The following VAV2 variants were observed in gnomAD, a reference collection of about 807,000 sequenced individuals.
The protein encoded by VAV2 is vav guanine nucleotide exchange factor 2.
Under a neutral mutation model 132.5 loss-of-function variants are expected in VAV2, and 67 were observed. The ratio of observed to expected loss-of-function variants is 0.51; its 90% CI spans 0.42 to 0.62. The LOEUF (loss-of-function observed/expected upper bound fraction) is 0.62, where lower values mean the gene tolerates loss of function less well. Ranked by LOEUF, VAV2 falls within the 20% of genes least tolerant of loss-of-function variation. The pLI is 0.00. For synonymous variants in VAV2, 492 were observed against 443.5 expected, an observed-to-expected ratio of 1.11 and a Z score of -1.37; for missense variants, 938 against 1,153.6, an observed-to-expected ratio of 0.81 and a Z score of 2.71.
intron 2 of VAV2, among the ~76,000 whole-genome samples, chr9:133,907,607 G>A (rs970420366): frequency 4.6e-5 from 7 of 152,210 alleles, no homozygotes; most frequent in South Asian, 2.1e-4. Context: ...AGAAGGCCTC[G>A]CTGGAATCAA....
At position 133,940,690 on chromosome 9, in the gene VAV2, T is replaced by TGC. The variant is rs1554814273; in HGVS notation, c.205-1472_205-1471insGC. Among the ~76,000 whole-genome samples the TGC allele has an allele frequency of 4.7e-3, 717 of 151,640 alleles. 3 individuals are homozygous for TGC. Among genetic ancestry groups the TGC allele is most frequent in the African/African-American group, 0.016 (669 of 41,318 alleles). On this transcript the variant is annotated intron_variant, in intron 1 of 29. Coordinates refer to ENST00000371850, the MANE Select transcript of VAV2 (RefSeq NM_001134398.2). The stretch of plus-strand genomic sequence containing the variant: ...CCACGTGCGTGTGTGTGTGTGTGTG[T>TGC]GTGTGTGTGTGTGTGTGTTTCTGAA...
chr9:133,777,223 C>A (rs1337471749), intron 23 of VAV2, among the ~76,000 whole-genome samples, 166 bp downstream of exon 23: 1 of 152,166 alleles, frequency 6.6e-6, no homozygotes, highest in South Asian at 2.1e-4. Context: ...CACAGCCCCC[C>A]ACCCATCTTC....
chr9:133,879,209 G>T lies in VAV2; in HGVS notation c.322-17777C>A, dbSNP rs544367679. The stretch of plus-strand genomic sequence containing the variant: ...GCCCTCCTCTGTAACGAGGCCCTCT[G>T]GGGGCTCTTGCTTCCTCACTCAGGT... On this transcript the variant is annotated intron_variant, in intron 2 of 29. Coordinates refer to ENST00000371850, the MANE Select transcript of VAV2 (RefSeq NM_001134398.2). This position sits in a 1 kb window ranked among gnomAD's most constrained non-coding sequence, Gnocchi z 4.4. 3.3e-5 allele frequency among the ~76,000 whole-genome samples: 5 copies of T among 152,332 alleles called. No homozygotes were observed. Among genetic ancestry groups the T allele is most frequent in the African/African-American group, 9.6e-5 (4 of 41,572 alleles).
chr9:133,941,133 C>T (rs1382504203), intron 1 of VAV2, among the ~76,000 whole-genome samples: 5 of 152,258 alleles, frequency 3.3e-5, no homozygotes, highest in South Asian at 2.1e-4. Context: ...TCCGGCTGGG[C>T]GCAGCAGCTC....
chr9:133,970,885 T>A lies in VAV2; in HGVS notation c.204+21190A>T, dbSNP rs562548477. Among the ~76,000 whole-genome samples, 8 of 152,264 alleles carry A rather than the reference T, an allele frequency of 5.3e-5. 1 individual carries two copies. The highest frequency in any genetic ancestry group is 3.2e-3 in the Middle Eastern group (1 of 316). On this transcript the variant is annotated intron_variant, in intron 1 of 29. Coordinates refer to ENST00000371850, the MANE Select transcript of VAV2 (RefSeq NM_001134398.2). ...AGCCTGGCTCTCCCTGGTTAACAGA[T>A]GTTTCGTTTAAGCAGCTAAATTACC... is the stretch of plus-strand genomic sequence containing the variant.
At position 133,928,184 on chromosome 9, in the gene VAV2, T is replaced by C. The variant is rs892825805; in HGVS notation, c.321+10919A>G. ...CTTACCGACTCCGTGTGTGTGTGTG[T>C]GTGTGCGTGCATGTGTGTATGTCTG... On this transcript the variant is annotated intron_variant, in intron 2 of 29. Coordinates refer to ENST00000371850, the MANE Select transcript of VAV2 (RefSeq NM_001134398.2). This position sits in a 1 kb window ranked among gnomAD's most constrained non-coding sequence, Gnocchi z 5.4. Among the ~76,000 whole-genome samples, 3 of 41,470 alleles carry C rather than the reference T, an allele frequency of 7.2e-5. No individual in the cohort carries two copies. The highest frequency in any genetic ancestry group is 2.2e-4 in the Non-Finnish European group (2 of 9,110). 27.2% of individuals were successfully genotyped at this position (41,470 alleles called of 152,430 possible). A position where few individuals can be genotyped will look rare whatever the true frequency, so the allele number is the denominator to read the frequency against.
chr9:133,880,124 T>C (rs1224047468), intron 2 of VAV2, among the ~76,000 whole-genome samples: 1 of 151,748 alleles, frequency 6.6e-6, no homozygotes, highest in Non-Finnish European at 1.5e-5. Flanking sequence ...TGGACCCACC[T>C]GCGCCGTCTG....
At chr9:133,968,679 T>C (rs1326113100) in intron 1 of VAV2, among the ~76,000 whole-genome samples, 1 of 152,180 alleles carries the variant, frequency 6.6e-6, no homozygotes, top group Non-Finnish European at 1.5e-5. Context: ...CAGAGCCTTG[T>C]AGCCGGGAGA....
chr9:133,786,380 G>T lies in VAV2; in HGVS notation c.1423-495C>A, dbSNP rs200846605. Reference sequence around the variant, plus strand: ...GGTGCTCTCCTGTGTGTGCTCTCCTGTGGGTGCTCTCCTGTGGGTGCACAC... The same window carrying T: ...GGTGCTCTCCTGTGTGTGCTCTCCTTTGGGTGCTCTCCTGTGGGTGCACAC... On this transcript the variant is annotated intron_variant, in intron 16 of 29. Transcript: ENST00000371850. 1.9e-4 allele frequency among the ~76,000 whole-genome samples: 26 copies of T among 134,184 alleles called. No individual in the cohort carries two copies. In the East Asian group the frequency reaches 5.1e-3, roughly 26 times the overall value. 88.0% of individuals were successfully genotyped at this position (134,184 alleles called of 152,430 possible). A position where few individuals can be genotyped will look rare whatever the true frequency, so the allele number is the denominator to read the frequency against.
chr9:133,944,082 T>C (rs1841274421), intron 1 of VAV2, among the ~76,000 whole-genome samples: 1 of 152,114 alleles, frequency 6.6e-6, no homozygotes, highest in African/African-American at 2.4e-5. Flanking sequence ...ATGGCAAGCT[T>C]CACCGGCCAA....
chr9:133,797,929 G>A (rs1834785878), intron 9 of VAV2, 120 bp from the exon 10 acceptor site: 1 of 794,848 alleles, frequency 1.3e-6, no homozygotes, highest in African/African-American at 1.8e-5. Flanking sequence ...CCCCTCCCCT[G>A]ACAGCTCCCT....
intron 1 of VAV2, among the ~76,000 whole-genome samples, chr9:133,940,674 T>TGTGTGTGTGTGC (rs1841109285): frequency 4.1e-5 from 2 of 48,484 alleles, no homozygotes; most frequent in Admixed American, 4.3e-4. Flanking sequence ...TCCACGTGCG[T>TGTGTGTGTGTGC]GTGTGTGTGT....
At chr9:133,957,810 C>T (rs1320952583) in intron 1 of VAV2, among the ~76,000 whole-genome samples, 1 of 151,574 alleles carries the variant, frequency 6.6e-6, no homozygotes, top group Non-Finnish European at 1.5e-5. Flanking sequence ...ATCAGAGTGT[C>T]ACTGTATCTG....
chr9:133,831,268 T>C (rs1836250912), intron 4 of VAV2, among the ~76,000 whole-genome samples: 1 of 152,024 alleles, frequency 6.6e-6, no homozygotes, highest in Non-Finnish European at 1.5e-5. Context: ...AAACCTTGTC[T>C]CTACTAAAAA....
chr9:133,945,316 C>A (rs562341023), intron 1 of VAV2, among the ~76,000 whole-genome samples: 44 of 152,276 alleles, frequency 2.9e-4, no homozygotes, highest in African/African-American at 1.1e-3. Context: ...AGTGTAGGAG[C>A]CCGGCCTTTG....
intron 22 of VAV2, among the ~76,000 whole-genome samples, chr9:133,778,277 C>T (rs1388032942): frequency 6.6e-6 from 1 of 152,192 alleles, no homozygotes; most frequent in African/African-American, 2.4e-5. Flanking sequence ...TAAACGACAT[C>T]ACGATGACAA....
In VAV2 at chr9:133,918,330, G is replaced by T. The variant is rs371637374; in HGVS notation, c.321+20773C>A. Among the ~76,000 whole-genome samples the T allele has an allele frequency of 3.5e-4, 52 of 148,436 alleles. No homozygotes were observed. In the East Asian group the frequency reaches 7.9e-3, roughly 23 times the overall value. ...AGCAGGAAGGCGGCGCTGGCTCCGA[G>T]CCTTGTGTCTGCATTTCCCGCACTT... On this transcript the variant is annotated intron_variant, in intron 2 of 29. Transcript: ENST00000371850. The surrounding 1 kb of genome is among the most constrained non-coding windows in gnomAD (Gnocchi z 4.7).
chr9:133,777,494 G>A (rs1239685260), intron 22 of VAV2, 31 bp from the exon 23 acceptor site: 13 of 1,609,820 alleles, frequency 8.1e-6, no homozygotes, highest in Non-Finnish European at 1.1e-5. Flanking sequence ...TTAGGACAAG[G>A]GGGCCGAGCC....
At chr9:133,976,079 C>T (rs897238939) in intron 1 of VAV2, among the ~76,000 whole-genome samples, 9 of 151,960 alleles carry the variant, frequency 5.9e-5, no homozygotes, top group African/African-American at 2.2e-4. Context: ...TGGTGGTGGG[C>T]ACCTGTAATC....
Sources: gnomAD v4.1 joint callset for allele counts (sites outside exome capture counted in the v4.1 genomes callset) on GRCh38, gnomAD v4.1.1 for gene constraint, Gnocchi (gnomAD v3.1) non-coding constraint, MANE v1.5 for transcripts, NCBI Gene and HGNC (gene_info 2026-07-23, HGNC 2026-07-21) for gene names.